Variants in MYO1E observed in about 807,000 individuals in gnomAD.
MYO1E encodes the protein unconventional myosin-Ie.
In MYO1E, 68 loss-of-function variants were observed where a neutral mutation model predicts 151.1. That is an observed-to-expected ratio of 0.45 (90% CI 0.37 to 0.55). The LOEUF (loss-of-function observed/expected upper bound fraction) is 0.55, where lower values mean the gene tolerates loss of function less well. Ranked by LOEUF, MYO1E falls within the 20% of genes least tolerant of loss-of-function variation. The pLI is 0.00. For missense variants in MYO1E, 1,363 were observed against 1,389.3 expected (o/e 0.98, Z 0.30); for synonymous variants, 601 against 501.7 (o/e 1.20, Z -2.64).
At chr15:59,193,837 A>G (rs1425660539) in intron 17 of MYO1E, among the ~76,000 whole-genome samples, 1 of 152,188 alleles carries the variant, frequency 6.6e-6, no homozygotes. Flanking sequence ...TTGTAGAAGG[A>G]ATCTGACTAC....
At chr15:59,248,486 C>CAAAAAAA (rs71119447) in intron 4 of MYO1E, among the ~76,000 whole-genome samples, 1 of 57,040 alleles carries the variant, frequency 1.8e-5, no homozygotes, top group Non-Finnish European at 3.0e-5. Context: ...GACTCCATCT[C>CAAAAAAA]AAAAAAAAAA....
intron 1 of MYO1E, among the ~76,000 whole-genome samples, chr15:59,336,086 C>T (rs1490559175): frequency 1.3e-5 from 2 of 150,504 alleles, no homozygotes; most frequent in East Asian, 3.9e-4. Flanking sequence ...TAAAAAAAAA[C>T]TAGGCCGAGT....
chr15:59,192,124 T>G (rs774446251), intron 17 of MYO1E, among the ~76,000 whole-genome samples: 1 of 151,882 alleles, frequency 6.6e-6, no homozygotes, highest in Non-Finnish European at 1.5e-5. Context: ...ATGGATGGAG[T>G]GAAACCATTT....
At chr15:59,259,825 T>G (rs939658897) in intron 3 of MYO1E, among the ~76,000 whole-genome samples, 1 of 152,200 alleles carries the variant, frequency 6.6e-6, no homozygotes, top group African/African-American at 2.4e-5. Context: ...CTTTACCTGA[T>G]TCTTCCCTCC....
chr15:59,172,052 G>A lies in MYO1E; in HGVS notation c.2335-10C>T. 6.2e-7 allele frequency: 1 copy of A among 1,613,580 alleles called. No homozygotes were observed. Among genetic ancestry groups the A allele is most frequent in the Non-Finnish European group, 8.5e-7 (1 of 1,179,998 alleles). The stretch of plus-strand genomic sequence containing the variant: ...GGTCTCGCTTTACACCCTGTAAGGA[G>A]AGGAGCTTTAAGAAGCTGGACAGGC... On this transcript the variant is annotated splice_polypyrimidine_tract_variant and intron_variant, in intron 21 of 27. Coordinates refer to ENST00000288235, the MANE Select transcript of MYO1E (RefSeq NM_004998.4).
Position 59,224,785 on chromosome 15 carries a change from A to G in MYO1E, c.681T>C (p.Leu227=). ...EGASAEQKHS[L]GITSMDYYYY... is the part of the protein sequence containing the mutation. ...AATAATAGTCCATGCTGGTGATGCCAAGGCTGTGTTTCTGCTCTGCAGAGG... is the reference window on the plus strand; with the variant it reads ...AATAATAGTCCATGCTGGTGATGCCGAGGCTGTGTTTCTGCTCTGCAGAGG... The change falls in exon 8 of 28, where the codon CTT becomes CTC. Residue 227 remains leucine (L), a synonymous_variant. Transcript: ENST00000288235. The G allele has an allele frequency of 6.2e-7, 1 of 1,614,178 alleles. No homozygotes were observed. The highest frequency in any genetic ancestry group is 8.5e-7 in the Non-Finnish European group (1 of 1,180,014).
chr15:59,306,530 G>T (rs1479918664), intron 1 of MYO1E, among the ~76,000 whole-genome samples: 1 of 152,186 alleles, frequency 6.6e-6, no homozygotes, highest in Non-Finnish European at 1.5e-5. Flanking sequence ...GTGGATGGAG[G>T]AAAATATATG....
chr15:59,357,088 T>C (rs1289010620), intron 1 of MYO1E, among the ~76,000 whole-genome samples: 1 of 152,030 alleles, frequency 6.6e-6, no homozygotes, highest in Non-Finnish European at 1.5e-5. Context: ...GTATTTTCAG[T>C]AGAGATGAGG....
At chr15:59,318,658 G>C (rs1270366339) in intron 1 of MYO1E, among the ~76,000 whole-genome samples, 1 of 152,216 alleles carries the variant, frequency 6.6e-6, no homozygotes, top group Non-Finnish European at 1.5e-5. Flanking sequence ...GTAGAGAGTA[G>C]TAGAAGCCTA....
At chr15:59,201,283 G>A (rs2079800005) in intron 16 of MYO1E, among the ~76,000 whole-genome samples, 1 of 151,766 alleles carries the variant, frequency 6.6e-6, no homozygotes, top group African/African-American at 2.4e-5. Flanking sequence ...AGTAGAGATG[G>A]GGTTCTCATT....
intron 17 of MYO1E, 109 bp from the exon 18 acceptor site, chr15:59,188,325 CAGA>C (rs1281209665): frequency 1.2e-6 from 1 of 808,328 alleles, no homozygotes; most frequent in East Asian, 2.5e-5. Context: ...GAAACATATT[CAGA>C]AGACTACAAT....
At position 59,149,346 on chromosome 15, in the gene MYO1E, G is replaced by T. The variant is rs150982825; in HGVS notation, c.3080+4244C>A. ...GCTGGGATTACAGGCGTGAGCCACCGCGCCCGGCCTGGATGAACTGTTAAT... is the reference window on the plus strand; with the variant it reads ...GCTGGGATTACAGGCGTGAGCCACCTCGCCCGGCCTGGATGAACTGTTAAT... On this transcript the variant is annotated intron_variant, in intron 26 of 27. Transcript: ENST00000288235. Among the ~76,000 whole-genome samples, 672 of 152,188 alleles carry T rather than the reference G, an allele frequency of 4.4e-3. 10 individuals are homozygous for T. Among genetic ancestry groups the T allele is most frequent in the African/African-American group, 0.015 (634 of 41,552 alleles).
At chr15:59,146,139 C>G (rs1167934733) in intron 26 of MYO1E, among the ~76,000 whole-genome samples, 1 of 152,182 alleles carries the variant, frequency 6.6e-6, no homozygotes, top group African/African-American at 2.4e-5. Flanking sequence ...CCTGCTTTAG[C>G]TATCTGAGTG....
Position 59,234,013 on chromosome 15 carries a change from C to T in MYO1E, c.421-2222G>A, listed in dbSNP as rs74020315. ...CTTTTTCTCTTTTTACTTCTTTTAA[C>T]ATGGCTACTAGAAAATTTAGAATTA... On this transcript the variant is annotated intron_variant, in intron 5 of 27. Coordinates refer to ENST00000288235, the MANE Select transcript of MYO1E (RefSeq NM_004998.4). Among the ~76,000 whole-genome samples the T allele has an allele frequency of 7.7e-3, 1,179 of 152,170 alleles. 14 individuals are homozygous for T. The highest frequency in any genetic ancestry group is 0.027 in the African/African-American group (1,110 of 41,512).
At chr15:59,141,124 C>T (rs117964137) in intron 26 of MYO1E, among the ~76,000 whole-genome samples, 3,261 of 152,214 alleles carry the variant, frequency 0.021, 66 homozygotes, top group Non-Finnish European at 0.032. Flanking sequence ...CATGTGACTT[C>T]TCAGCAACAA....
chr15:59,333,541 T>A (rs1386136075), intron 1 of MYO1E, among the ~76,000 whole-genome samples: 1 of 152,192 alleles, frequency 6.6e-6, no homozygotes, highest in African/African-American at 2.4e-5. Context: ...GTATCTACTT[T>A]TGAATCTAGT....
intron 3 of MYO1E, among the ~76,000 whole-genome samples, chr15:59,256,989 A>G (rs1445960083): frequency 6.6e-6 from 1 of 151,772 alleles, no homozygotes; most frequent in Non-Finnish European, 1.5e-5. Context: ...TCTCTATTGG[A>G]AAAAAAAATC....
At chr15:59,315,571 A>G (rs1425256047) in intron 1 of MYO1E, among the ~76,000 whole-genome samples, 4 of 151,396 alleles carry the variant, frequency 2.6e-5, no homozygotes, top group African/African-American at 9.7e-5. Context: ...AAAAAAGTCT[A>G]GTTCTGATCT....
intron 4 of MYO1E, among the ~76,000 whole-genome samples, chr15:59,251,892 A>G (rs529987126): frequency 6.6e-6 from 1 of 152,370 alleles, no homozygotes; most frequent in East Asian, 1.9e-4. Flanking sequence ...TTGACTGCAA[A>G]TATTGGATAT....
Sources: allele counts gnomAD v4.1 joint callset (sites outside exome capture counted in the v4.1 genomes callset), GRCh38; gene constraint gnomAD v4.1.1; transcripts MANE v1.5; gene names NCBI Gene and HGNC (gene_info 2026-07-23, HGNC 2026-07-21).